Variants in KIF26B observed in about 807,000 individuals in gnomAD.
KIF26B encodes kinesin-like protein KIF26B.
KIF26B carries 63 observed loss-of-function variants against 151.2 expected under a neutral mutation model. The ratio of observed to expected loss-of-function variants is 0.42; its 90% CI spans 0.34 to 0.51. The LOEUF (loss-of-function observed/expected upper bound fraction) is 0.51. KIF26B is among the 20% of genes least tolerant of loss of function. KIF26B has a pLI of 0.07. For synonymous variants in KIF26B, 1,357 were observed against 1,262.1 expected (o/e 1.08, Z -1.59); for missense variants, 2,813 against 2,913.6 (o/e 0.97, Z 0.79).
chr1:245,652,145 T>TGAGA (rs1553300738), intron 10 of KIF26B, among the ~76,000 whole-genome samples: 4 of 142,656 alleles, frequency 2.8e-5, no homozygotes, highest in Admixed American at 1.4e-4. Flanking sequence ...TGTGTGTGTG[T>TGAGA]GAGAGAGACA....
rs12040790 is a variant in KIF26B at position 245,207,478 on chromosome 1, C to T, written c.465+50795C>T. Among the ~76,000 whole-genome samples the T allele has an allele frequency of 6.7e-3, 1,015 of 152,204 alleles. 37 individuals carry two copies. The East Asian group carries it at 0.13, about 20-fold the overall frequency. ...GGTAAATTACAGAGTGAGTAGCAGA[C>T]GTGGGCTCTGTAGATAAGGACTTAC... On this transcript the variant is annotated intron_variant, in intron 2 of 14. Coordinates refer to ENST00000407071, the MANE Select transcript of KIF26B (RefSeq NM_018012.4).
intron 9 of KIF26B, among the ~76,000 whole-genome samples, chr1:245,615,431 A>C (rs1362227056): frequency 6.6e-6 from 1 of 152,204 alleles, no homozygotes; most frequent in African/African-American, 2.4e-5. Context: ...CTTGAAAACA[A>C]GGAAACAGTT....
At chr1:245,467,552 GAATT>G (rs1341285144) in intron 4 of KIF26B, among the ~76,000 whole-genome samples, 2 of 152,150 alleles carry the variant, frequency 1.3e-5, no homozygotes, top group African/African-American at 4.8e-5. Flanking sequence ...CTCTGGATCT[GAATT>G]CCTAATGGGC....
intron 10 of KIF26B, among the ~76,000 whole-genome samples, chr1:245,652,781 A>G (rs1193473674): frequency 6.6e-6 from 1 of 152,074 alleles, no homozygotes; most frequent in African/African-American, 2.4e-5. Context: ...TCAGAGCTTC[A>G]CTGAATTGGG....
At chr1:245,403,845 T>G (rs1469063849) in intron 3 of KIF26B, among the ~76,000 whole-genome samples, 1 of 152,218 alleles carries the variant, frequency 6.6e-6, no homozygotes, top group Non-Finnish European at 1.5e-5. Flanking sequence ...CAAGATTGAT[T>G]TCCTGCCCTC....
chr1:245,309,267 A>G (rs12096925), intron 2 of KIF26B, among the ~76,000 whole-genome samples: 31,420 of 152,096 alleles, frequency 0.21, 3,462 homozygotes, highest in Admixed American at 0.31. Flanking sequence ...GGATGCCCAG[A>G]TATTTGGTCA....
chr1:245,288,522 G>C (rs765490650), intron 2 of KIF26B, among the ~76,000 whole-genome samples: 1 of 152,200 alleles, frequency 6.6e-6, no homozygotes, highest in African/African-American at 2.4e-5. Flanking sequence ...AAGGACATGG[G>C]AACATATGCC....
chr1:245,638,554 C>T (rs934400488), intron 9 of KIF26B, among the ~76,000 whole-genome samples: 1 of 151,790 alleles, frequency 6.6e-6, no homozygotes, highest in African/African-American at 2.4e-5. Flanking sequence ...ACTGAGCATC[C>T]TTTTCTTATT....
intron 2 of KIF26B, among the ~76,000 whole-genome samples, chr1:245,219,133 T>A (rs1669709076): frequency 9.0e-6 from 1 of 111,218 alleles, no homozygotes; most frequent in African/African-American, 4.3e-5. Flanking sequence ...ACCTCTTTTT[T>A]TTTTTTTTTT....
chr1:245,512,069 G>A lies in KIF26B; in HGVS notation c.1167-28698G>A, dbSNP rs1660849165. ...TTAGGTAAGGTCATCAAAAGAGATG[G>A]CTGATATTTTTTATGGTCATTTGCA... On this transcript the variant is annotated intron_variant, in intron 4 of 14. Transcript: ENST00000407071. The surrounding 1 kb of genome is among the most constrained non-coding windows in gnomAD (Gnocchi z 4.3). Among the ~76,000 whole-genome samples, 1 of 152,142 alleles carries A rather than the reference G, an allele frequency of 6.6e-6. No homozygotes were observed. Among genetic ancestry groups the A allele is most frequent in the Non-Finnish European group, 1.5e-5 (1 of 68,030 alleles).
At chr1:245,457,267 G>T (rs1275201207) in intron 4 of KIF26B, among the ~76,000 whole-genome samples, 4 of 152,162 alleles carry the variant, frequency 2.6e-5, no homozygotes, top group Non-Finnish European at 4.4e-5. Flanking sequence ...TCCATTAGGA[G>T]TTATAAGAAA....
rs563411008 is a variant in KIF26B at position 245,679,139 on chromosome 1, A to C, written c.2259-5094A>C. 8.7e-4 allele frequency among the ~76,000 whole-genome samples: 133 copies of C among 152,302 alleles called. 2 individuals carry two copies. The South Asian group carries it at 0.026, about 30-fold the overall frequency. ...GCATTTTTGGCTTTGTGGGCGACAC[A>C]GGCTCTGTTACAACCACTCAACTCT... is the stretch of plus-strand genomic sequence containing the variant. On this transcript the variant is annotated intron_variant, in intron 10 of 14. Transcript: ENST00000407071.
intron 2 of KIF26B, among the ~76,000 whole-genome samples, chr1:245,163,155 A>G (rs1668560272): frequency 6.6e-6 from 1 of 152,118 alleles, no homozygotes; most frequent in Non-Finnish European, 1.5e-5. Flanking sequence ...CTATTACAGG[A>G]TCTTCTAGAA....
intron 2 of KIF26B, among the ~76,000 whole-genome samples, chr1:245,288,324 A>G (rs1354001641): frequency 6.6e-6 from 1 of 152,144 alleles, no homozygotes; most frequent in Non-Finnish European, 1.5e-5. Context: ...ACCCCATTTC[A>G]CACTAATCTC....
At chr1:245,374,059 CAAAAAAAAAAAAA>C (rs1172397969) in intron 3 of KIF26B, among the ~76,000 whole-genome samples, 13 of 17,482 alleles carry the variant, frequency 7.4e-4, no homozygotes, top group African/African-American at 1.9e-3. Context: ...GAACCTATCT[CAAAAAAAAAAAAA>C]AAAAAAAAAA....
In KIF26B at chr1:245,431,242, G is replaced by A. The variant is rs189050036; in HGVS notation, c.1166+11497G>A. Among the ~76,000 whole-genome samples the A allele has an allele frequency of 1.1e-4, 17 of 152,196 alleles. No homozygotes were observed. The East Asian group carries it at 3.1e-3, about 28-fold the overall frequency. The stretch of plus-strand genomic sequence containing the variant: ...CGCCCAGGCTGGAGTGCAGTGGTGC[G>A]ATCTTGGCTCACTGCAACCTCTGCT... On this transcript the variant is annotated intron_variant, in intron 4 of 14. Coordinates refer to ENST00000407071, the MANE Select transcript of KIF26B (RefSeq NM_018012.4).
At chr1:245,202,759 C>CAA (rs56170851) in intron 2 of KIF26B, among the ~76,000 whole-genome samples, 10 of 45,158 alleles carry the variant, frequency 2.2e-4, no homozygotes, top group African/African-American at 8.6e-4. Context: ...GACTCCATCT[C>CAA]AAAAAAAAAA....
chr1:245,204,862 C>T (rs1391539868), intron 2 of KIF26B, among the ~76,000 whole-genome samples: 1 of 152,050 alleles, frequency 6.6e-6, no homozygotes, highest in African/African-American at 2.4e-5. Flanking sequence ...CTCACTGCAG[C>T]GTCGAACTCC....
At chr1:245,158,156 C>A (rs1668475941) in intron 2 of KIF26B, among the ~76,000 whole-genome samples, 1 of 152,178 alleles carries the variant, frequency 6.6e-6, no homozygotes, top group South Asian at 2.1e-4. Flanking sequence ...TGATATTTGG[C>A]AGTCCTAATA....
Sources: gnomAD v4.1 joint callset for allele counts (sites outside exome capture counted in the v4.1 genomes callset) on GRCh38, gnomAD v4.1.1 for gene constraint, Gnocchi (gnomAD v3.1) non-coding constraint, MANE v1.5 for transcripts, NCBI Gene and HGNC (gene_info 2026-07-23, HGNC 2026-07-21) for gene names.